The following MRPL44 variants were observed in gnomAD, a reference collection of about 807,000 sequenced individuals.
The protein encoded by MRPL44 is mitochondrial ribosomal protein L44.
MRPL44 carries 21 observed loss-of-function variants against 25.9 expected under a neutral mutation model. The ratio of observed to expected loss-of-function variants is 0.81; its 90% CI spans 0.58 to 1.17. The LOEUF (loss-of-function observed/expected upper bound fraction) is 1.17, where lower values mean the gene tolerates loss of function less well. MRPL44 is among the 50% of genes most tolerant of loss of function. The probability of loss-of-function intolerance (pLI) is 0.00; values close to 1 mark genes in which losing one functional copy is unlikely to be tolerated. For synonymous variants in MRPL44, 169 were observed against 151.0 expected (o/e 1.12, Z -0.87); for missense variants, 410 against 398.9 (o/e 1.03, Z -0.24).
chr2:223,956,020 C>A (rs1354494577), upstream of MRPL44, among the ~76,000 whole-genome samples: 4 of 152,222 alleles, frequency 2.6e-5, no homozygotes, highest in Non-Finnish European at 5.9e-5. Context: ...AGAGACACCT[C>A]ATTTTAACTT....
In MRPL44 at chr2:223,959,928, C is replaced by T. The variant is rs1261173451; in HGVS notation, c.574C>T (p.Gln192Ter). ...ATTCCCAGTGCCCCCAGCTGTGTTA[C>T]AGCAGACTTTCTTTGCAGTTATTGG... ...EEFPVPPAVL[Q>*]QTFFAVIGAL... The change falls in exon 2 of 4, where the codon CAG becomes TAG. Residue 192 changes from glutamine to a stop codon, truncating the protein, a stop_gained. Coordinates refer to ENST00000258383, the MANE Select transcript of MRPL44 (RefSeq NM_022915.5). LOFTEE classifies it high-confidence loss of function. 3 of 1,614,216 alleles carry T rather than the reference C, an allele frequency of 1.9e-6. No homozygotes were observed. The highest frequency in any genetic ancestry group is 2.5e-6 in the Non-Finnish European group (3 of 1,180,032).
In MRPL44 at chr2:223,967,015, A is replaced by C. The variant is rs756082939; in HGVS notation, c.980A>C (p.Lys327Thr). The C allele has an allele frequency of 1.2e-6, 2 of 1,612,424 alleles. No individual in the cohort carries two copies. The highest frequency in any genetic ancestry group is 1.7e-5 in the Admixed American group (1 of 59,774). ...SKPKETLRAE[K>T]SITAS Reference sequence around the variant, plus strand: ...CCCAAAGAAACCTTGAGAGCAGAAAAGAGCATCACTGCCAGCTAGCCGCCA... The same window carrying C: ...CCCAAAGAAACCTTGAGAGCAGAAACGAGCATCACTGCCAGCTAGCCGCCA... Residue 327 changes from lysine to threonine, a missense_variant, in exon 4 of 4, where the codon AAG becomes ACG. Physicochemically the swap from Lys to Thr is moderately conservative, Grantham distance 78. Transcript: ENST00000258383.
rs553059513 is a variant in MRPL44, at chr2:223,967,185, G to A, written c.*151G>A. The A allele has an allele frequency of 1.3e-6, 1 of 757,474 alleles. No individual in the cohort carries two copies. The highest frequency in any genetic ancestry group is 2.0e-6 in the Non-Finnish European group (1 of 503,164). The allele number at this position is 757,474 out of a possible 1,614,324, so 46.9% of individuals were successfully genotyped here. A position where few individuals can be genotyped will look rare whatever the true frequency, so the allele number is the denominator to read the frequency against. ...CCAAAATTAAATAAGTGTTAACCAA[G>A]TCACAGTGTTTTTGGTTTTGTTTTT... On this transcript the variant is annotated 3_prime_UTR_variant, in exon 4 of 4. Transcript: ENST00000258383.
chr2:223,957,380 T>TCGCGTTC (rs2106114989), upstream of MRPL44: 4 of 1,530,788 alleles, frequency 2.6e-6, no homozygotes, highest in South Asian at 2.2e-5. Flanking sequence ...AGCCTTCTCT[T>TCGCGTTC]CGCGTTCCGC....
intron 2 of MRPL44, among the ~76,000 whole-genome samples, chr2:223,963,313 T>C (rs1689690760): frequency 6.6e-6 from 1 of 152,080 alleles, no homozygotes; most frequent in African/African-American, 2.4e-5. Flanking sequence ...TATGGTGGTG[T>C]GCACCTGTAG....
chr2:223,957,434 A>C, upstream of MRPL44: 1 of 1,612,932 alleles, frequency 6.2e-7, no homozygotes, highest in Non-Finnish European at 8.5e-7. Flanking sequence ...CACTGGCCCG[A>C]CTACTTTCGT....
Position 223,957,571 on chromosome 2 carries a change from G to T in MRPL44, c.99G>T (p.Lys33Asn). ...KLVPPVRGVK[K>N]GFRAAFRFQK... is the part of the protein sequence containing the mutation. ...TCCCTCCGGTTCGGGGAGTGAAGAA[G>T]GGATTCCGCGCCGCCTTCCGCTTCC... The change falls in exon 1 of 4, where the codon AAG becomes AAT. Residue 33 changes from lysine to asparagine, a missense_variant. By Grantham distance (94) the Lys-to-Asn change is moderately conservative. Coordinates refer to ENST00000258383, the MANE Select transcript of MRPL44 (RefSeq NM_022915.5). 2 of 1,613,898 alleles carry T rather than the reference G, an allele frequency of 1.2e-6. No homozygotes were observed. Among genetic ancestry groups the T allele is most frequent in the Non-Finnish European group, 1.7e-6 (2 of 1,180,022 alleles).
At chr2:223,951,438 T>C in the MRPL44 span, among the ~76,000 whole-genome samples, 6 of 150,002 alleles carry the variant, frequency 4.0e-5, no homozygotes, top group African/African-American at 1.2e-4. Context: ...GCAGAGATAA[T>C]GTGTAGTATT....
upstream of MRPL44, among the ~76,000 whole-genome samples, chr2:223,952,764 C>T (rs956020593): frequency 7.2e-5 from 11 of 152,170 alleles, no homozygotes; most frequent in Non-Finnish European, 1.2e-4. Context: ...ATAAAGCAGA[C>T]ACCAGCTGTT....
upstream of MRPL44, among the ~76,000 whole-genome samples, chr2:223,954,112 G>T (rs1307147169): frequency 6.6e-6 from 1 of 152,076 alleles, no homozygotes; most frequent in African/African-American, 2.4e-5. Flanking sequence ...ATACCTACAG[G>T]GGTTAAAGGG....
chr2:223,957,702 G>T lies in MRPL44; in HGVS notation c.179+51G>T, dbSNP rs1038558787. 6.4e-6 allele frequency: 10 copies of T among 1,550,476 alleles called. No homozygotes were observed. In the African/African-American group the frequency reaches 1.4e-4, roughly 21 times the overall value. On this transcript the variant is annotated intron_variant, in intron 1 of 3. Coordinates refer to ENST00000258383, the MANE Select transcript of MRPL44 (RefSeq NM_022915.5). ...TCAGGGTGGCGGTCGCAGACACTGG[G>T]TCTTCTTCCCGCGGCGTCGTGTCTG...
intron 2 of MRPL44, among the ~76,000 whole-genome samples, chr2:223,963,423 C>T (rs111989224): frequency 6.6e-5 from 10 of 151,186 alleles, no homozygotes; most frequent in African/African-American, 2.2e-4. Flanking sequence ...CTAGCCTAGG[C>T]AATAGAGTGA....
Position 223,960,001 on chromosome 2 carries a change from G to C in MRPL44, c.647G>C (p.Arg216Thr). 1 of 1,603,566 alleles carries C rather than the reference G, an allele frequency of 6.2e-7. No homozygotes were observed. The highest frequency in any genetic ancestry group is 1.3e-5 in the African/African-American group (1 of 74,648). The change falls in exon 2 of 4, where the codon AGG (arginine) becomes ACG (threonine). Residue 216 changes from arginine to threonine, a missense_variant and splice_region_variant. Transcript: ENST00000258383. ...SGPERTALFI[R>T]DFLITQMTGK... is the part of the protein sequence containing the mutation. ...CCTGAGAGGACTGCACTTTTCATCAGGGTACGTAACTATTAATTGGACATG... is the reference window on the plus strand; with the variant it reads ...CCTGAGAGGACTGCACTTTTCATCACGGTACGTAACTATTAATTGGACATG...
At position 223,967,061 on chromosome 2, in the gene MRPL44, T is replaced by G. The variant is rs776951495; in HGVS notation, c.*27T>G. ...CGCCATGGATGCAGCAGCCTGAAAC[T>G]TGAGAGCGAAAGTGAGATAAATGTC... On this transcript the variant is annotated 3_prime_UTR_variant, in exon 4 of 4. Coordinates refer to ENST00000258383, the MANE Select transcript of MRPL44 (RefSeq NM_022915.5). 3.8e-6 allele frequency: 6 copies of G among 1,565,410 alleles called. No individual in the cohort carries two copies. Among genetic ancestry groups the G allele is most frequent in the Non-Finnish European group, 5.2e-6 (6 of 1,153,838 alleles).
At chr2:223,965,898 A>G (rs942997602) in intron 3 of MRPL44, 1 of 149,136 alleles carries the variant, frequency 6.7e-6, no homozygotes, top group Non-Finnish European at 1.5e-5. Flanking sequence ...AGGTCTCACT[A>G]TGTTGCCTAG....
chr2:223,964,883 A>G (rs1689719584), intron 3 of MRPL44, among the ~76,000 whole-genome samples: 1 of 152,222 alleles, frequency 6.6e-6, no homozygotes, highest in South Asian at 2.1e-4. Context: ...CATGGTGGTC[A>G]GTAAATAGTT....
Position 223,967,343 on chromosome 2 carries a change from G to A in MRPL44, c.*309G>A, listed in dbSNP as rs963550395. On this transcript the variant is annotated 3_prime_UTR_variant, in exon 4 of 4. Coordinates refer to ENST00000258383, the MANE Select transcript of MRPL44 (RefSeq NM_022915.5). ...CACCTCACAGGTTCAAGCGATTCTC[G>A]TGGCTCAGCCTCCCTAGTAGCTGGG... The A allele has an allele frequency of 6.1e-5, 12 of 195,296 alleles. No individual in the cohort carries two copies. The highest frequency in any genetic ancestry group is 2.5e-4 in the East Asian group (2 of 7,938). 12.1% of individuals were successfully genotyped at this position (195,296 alleles called of 1,614,324 possible).
chr2:223,954,224 T>C (rs10933028), upstream of MRPL44, among the ~76,000 whole-genome samples: 69,272 of 152,078 alleles, frequency 0.46, 15,953 homozygotes, highest in African/African-American at 0.52. Context: ...CCATCTCTTC[T>C]GCATCTAGCA....
At chr2:223,953,748 ATTTTACCCCAG>A (rs990363299), upstream of MRPL44, among the ~76,000 whole-genome samples, 2 of 152,154 alleles carry the variant, frequency 1.3e-5, no homozygotes, top group African/African-American at 4.8e-5. Context: ...CATTCTCTGG[ATTTTACCCCAG>A]TTTTACACTG....
Sources: gnomAD v4.1 joint callset for allele counts (sites outside exome capture counted in the v4.1 genomes callset) on GRCh38, gnomAD v4.1.1 for gene constraint, MANE v1.5 for transcripts, NCBI Gene and HGNC (gene_info 2026-07-23, HGNC 2026-07-21) for gene names.